Variants in LARGE1 observed in about 807,000 individuals in gnomAD.
LARGE1 encodes the protein xylosyl- and glucuronyltransferase LARGE1.
LARGE1 carries 43 observed loss-of-function variants against 87.6 expected under a neutral mutation model. The ratio of observed to expected loss-of-function variants is 0.49; its 90% CI spans 0.38 to 0.63. LARGE1 has a LOEUF of 0.63. Among genes scored for constraint, LARGE1 ranks in the 30% least tolerant of loss-of-function variants. The pLI, the probability that LARGE1 is intolerant of heterozygous loss-of-function variation, is 0.00. For synonymous variants in LARGE1, 434 were observed against 394.6 expected (o/e 1.10, Z -1.18); for missense variants, 802 against 1,000.2 (o/e 0.80, Z 2.67).
intron 6 of LARGE1, among the ~76,000 whole-genome samples, chr22:33,541,126 G>A (rs2077191839): frequency 7.3e-6 from 1 of 136,250 alleles, no homozygotes; most frequent in African/African-American, 2.8e-5. Flanking sequence ...GCTGTAGTGA[G>A]CCGTGATTGT....
intron 2 of LARGE1, among the ~76,000 whole-genome samples, chr22:33,656,321 A>T (rs1183509041): frequency 1.3e-5 from 2 of 152,186 alleles, no homozygotes; most frequent in Middle Eastern, 3.2e-3. Context: ...AGTGAAGCGA[A>T]AGGGGTTTCC....
chr22:33,785,090 T>TAC (rs2085573264), intron 1 of LARGE1, among the ~76,000 whole-genome samples: 1 of 150,014 alleles, frequency 6.7e-6, no homozygotes, highest in Non-Finnish European at 1.5e-5. Context: ...TACATATGTG[T>TAC]ATATACATGT....
At chr22:33,119,012 T>C in the LARGE1 span, among the ~76,000 whole-genome samples, 1 of 152,356 alleles carries the variant, frequency 6.6e-6, no homozygotes, top group East Asian at 1.9e-4. Context: ...GGGACTTCCA[T>C]TAAGTCATTT....
intron 11 of LARGE1, among the ~76,000 whole-genome samples, chr22:33,254,324 A>G (rs1291905086): frequency 6.6e-6 from 1 of 152,172 alleles, no homozygotes; most frequent in Non-Finnish European, 1.5e-5. Flanking sequence ...GAAGCAGGGG[A>G]CAAAAACTAG....
At chr22:33,159,768 T>A (rs111963717), downstream of LARGE1, among the ~76,000 whole-genome samples, 7,403 of 151,846 alleles carry the variant, frequency 0.049, 574 homozygotes, top group African/African-American at 0.17. Flanking sequence ...GTATTTTTTT[T>A]AGTAGAGACG....
rs1337158583 is a variant in LARGE1, at chr22:33,272,933, AG to A, written c.*1493del. ...AGAGTGGGATCTAACTTCAGGCAAA[AG>A]GGGAAAAAAAAGGCTAAAGTTCAAA... On this transcript the variant is annotated 3_prime_UTR_variant, in exon 15 of 15. Transcript: ENST00000397394. 1 of 152,414 alleles carries A rather than the reference AG, an allele frequency of 6.6e-6. No homozygotes were observed. 9.4% of individuals were successfully genotyped at this position (152,414 alleles called of 1,614,324 possible). A position where few individuals can be genotyped will look rare whatever the true frequency, so the allele number is the denominator to read the frequency against.
intron 7 of LARGE1, among the ~76,000 whole-genome samples, chr22:33,416,501 A>G (rs1356904235): frequency 2.0e-5 from 3 of 151,546 alleles, no homozygotes; most frequent in Non-Finnish European, 4.4e-5. Flanking sequence ...CACTGTCCTT[A>G]ATCTTCTGAT....
At chr22:33,196,542 C>T (rs539114324) in intron 11 of LARGE1, among the ~76,000 whole-genome samples, 2 of 152,194 alleles carry the variant, frequency 1.3e-5, no homozygotes, top group Non-Finnish European at 2.9e-5. Flanking sequence ...GCCCAGATTG[C>T]TTCACTGATA....
chr22:33,839,878 C>T (rs1367092220), intron 1 of LARGE1, among the ~76,000 whole-genome samples: 1 of 152,194 alleles, frequency 6.6e-6, no homozygotes, highest in African/African-American at 2.4e-5. Context: ...CCTCATTGTT[C>T]CAGAGAAGAT....
intron 3 of LARGE1, among the ~76,000 whole-genome samples, chr22:33,629,127 C>G (rs1405422785): frequency 6.6e-6 from 1 of 152,096 alleles, no homozygotes; most frequent in African/African-American, 2.4e-5. Context: ...GACACCATTG[C>G]TTATCTCTGG....
intron 6 of LARGE1, among the ~76,000 whole-genome samples, chr22:33,491,225 A>G (rs1319649025): frequency 6.6e-6 from 1 of 152,216 alleles, no homozygotes; most frequent in Admixed American, 6.5e-5. Flanking sequence ...ATTTAGGGAC[A>G]TTTTAAAAGC....
At chr22:33,580,089 G>T (rs555737148) in intron 5 of LARGE1, among the ~76,000 whole-genome samples, 1 of 151,646 alleles carries the variant, frequency 6.6e-6, no homozygotes, top group Non-Finnish European at 1.5e-5. Flanking sequence ...GACACAAGGC[G>T]GCCGGGCGCA....
intron 6 of LARGE1, among the ~76,000 whole-genome samples, chr22:33,546,786 G>A (rs9619354): frequency 0.018 from 2,739 of 152,164 alleles, 73 homozygotes; most frequent in African/African-American, 0.059. Flanking sequence ...GTTTCACAAC[G>A]GTGGCCAGGC....
intron 10 of LARGE1, among the ~76,000 whole-genome samples, chr22:33,332,949 A>G (rs1937925977): frequency 6.7e-6 from 1 of 149,280 alleles, no homozygotes; most frequent in Non-Finnish European, 1.5e-5. Context: ...CTCCATTCCC[A>G]CCGCAACTGT....
chr22:33,107,182 C>G, the LARGE1 span, among the ~76,000 whole-genome samples: 5 of 152,312 alleles, frequency 3.3e-5, no homozygotes, highest in South Asian at 1.0e-3. Flanking sequence ...AAATGTCTTT[C>G]AAACATTTAA....
At chr22:33,830,017 A>G (rs2062919619) in intron 1 of LARGE1, among the ~76,000 whole-genome samples, 1 of 152,176 alleles carries the variant, frequency 6.6e-6, no homozygotes. Flanking sequence ...TGGCAAGATA[A>G]TGTCTGTGGG....
intron 6 of LARGE1, among the ~76,000 whole-genome samples, chr22:33,470,566 C>T (rs2068787976): frequency 6.6e-6 from 1 of 152,232 alleles, no homozygotes; most frequent in African/African-American, 2.4e-5. Flanking sequence ...TCCTGACAAG[C>T]CTGGTCTCTT....
At position 33,869,498 on chromosome 22, in the gene LARGE1, T is replaced by A. The variant is rs556270023; in HGVS notation, c.-83+50497A>T. On this transcript the variant is annotated intron_variant, in intron 1 of 14. Transcript: ENST00000397394. Reference sequence around the variant, plus strand: ...CTGGATGCGCCTCTGGCTTCCCACCTCCATGGGAAGGAAAAGAGGAGCCTC... The same window carrying A: ...CTGGATGCGCCTCTGGCTTCCCACCACCATGGGAAGGAAAAGAGGAGCCTC... 1.8e-4 allele frequency among the ~76,000 whole-genome samples: 27 copies of A among 152,174 alleles called. 1 individual carries two copies. In the South Asian group the frequency reaches 5.2e-3, roughly 29 times the overall value.
intron 11 of LARGE1, among the ~76,000 whole-genome samples, chr22:33,181,718 T>A (rs549494669): frequency 2.6e-5 from 4 of 151,310 alleles, no homozygotes; most frequent in Admixed American, 2.6e-4. Flanking sequence ...TTAGTAGAGA[T>A]GGAGTTTCAC....
Sources: allele counts gnomAD v4.1 joint callset (sites outside exome capture counted in the v4.1 genomes callset), GRCh38; gene constraint gnomAD v4.1.1; transcripts MANE v1.5; gene names NCBI Gene and HGNC (gene_info 2026-07-23, HGNC 2026-07-21).